SHROOM3: variants seen among roughly 807,000 people sequenced by gnomAD.
The protein encoded by SHROOM3 is protein Shroom3.
Under a neutral mutation model 138.6 loss-of-function variants are expected in SHROOM3, and 47 were observed. The ratio of observed to expected loss-of-function variants is 0.34; its 90% CI spans 0.27 to 0.43. The LOEUF (loss-of-function observed/expected upper bound fraction) is 0.43. SHROOM3 is among the 20% of genes least tolerant of loss of function. The pLI is 1.00. For synonymous variants in SHROOM3, 1,062 were observed against 1,063.3 expected (o/e 1.00, Z 0.02); for missense variants, 2,491 against 2,596.5 (o/e 0.96, Z 0.88).
chr4:76,568,207 G>A (rs1399754065), intron 2 of SHROOM3, among the ~76,000 whole-genome samples: 1 of 152,190 alleles, frequency 6.6e-6, no homozygotes, highest in Non-Finnish European at 1.5e-5. Context: ...CAGGCTGCCT[G>A]ACATTGCCTC....
Position 76,477,849 on chromosome 4 carries a change from C to T in SHROOM3, c.168+41629C>T, listed in dbSNP as rs564793053. ...GGTGAGCAGAAGCAGGGTGGGGCATCGCCTCACCTGGGAAGTGCAAGGGGT... is the reference window on the plus strand; with the variant it reads ...GGTGAGCAGAAGCAGGGTGGGGCATTGCCTCACCTGGGAAGTGCAAGGGGT... On this transcript the variant is annotated intron_variant, in intron 1 of 10. Coordinates refer to ENST00000296043, the MANE Select transcript of SHROOM3 (RefSeq NM_020859.4). 4.4e-4 allele frequency among the ~76,000 whole-genome samples: 67 copies of T among 152,246 alleles called. 2 individuals are homozygous for T. In the South Asian group the frequency reaches 0.012, roughly 28 times the overall value.
chr4:76,477,039 C>T (rs530740040), intron 1 of SHROOM3, among the ~76,000 whole-genome samples: 1 of 152,304 alleles, frequency 6.6e-6, no homozygotes, highest in Non-Finnish European at 1.5e-5. Context: ...CTCATCTCGG[C>T]TCACTGCAAG....
rs886934643 is a variant in SHROOM3 at position 76,692,384 on chromosome 4, T to C, written c.324-17772T>C. ...TCCCTGCCCTCAGGAACTCGTCTTA[T>C]AAGAGGCAAAATAAAACATGTTAAT... On this transcript the variant is annotated intron_variant, in intron 2 of 10. Transcript: ENST00000296043. Among the ~76,000 whole-genome samples the C allele has an allele frequency of 3.9e-5, 6 of 152,226 alleles. No homozygotes were observed. In the South Asian group the frequency reaches 6.2e-4, roughly 16 times the overall value.
At chr4:76,631,187 G>A (rs1735306291) in intron 2 of SHROOM3, among the ~76,000 whole-genome samples, 1 of 146,870 alleles carries the variant, frequency 6.8e-6, no homozygotes, top group African/African-American at 2.5e-5. Flanking sequence ...AGAAAGACAG[G>A]TGACTTTTTT....
chr4:76,652,810 T>C (rs1735988598), intron 2 of SHROOM3, among the ~76,000 whole-genome samples: 1 of 151,990 alleles, frequency 6.6e-6, no homozygotes, highest in African/African-American at 2.4e-5. Flanking sequence ...TGTGTGTGTA[T>C]ATATATACAT....
Position 76,730,841 on chromosome 4 carries a change from AC to A in SHROOM3, c.494del (p.Thr165LysfsTer13). The A allele has an allele frequency of 6.2e-7, 1 of 1,614,146 alleles. No homozygotes were observed. Among genetic ancestry groups the A allele is most frequent in the East Asian group, 2.2e-5 (1 of 44,854 alleles). On this transcript the variant is annotated frameshift_variant, in exon 4 of 11. Transcript: ENST00000296043. LOFTEE classifies it high-confidence loss of function. ...TGCAGGCCGACCTCACTCGTGGCAC[AC>A]AACTAAATCTGGGGAGAAGCAACCC... ...EPAGRPHSWH[T>X]TKSGEKQPDA...
Position 76,770,617 on chromosome 4 carries a change from T to A in SHROOM3, c.5350-9T>A. Reference sequence around the variant, plus strand: ...TGGCTGATCTTTGCGGTCTTATCTGTCATTTCAGGCTGAGCTCATTGGAAG... The same window carrying A: ...TGGCTGATCTTTGCGGTCTTATCTGACATTTCAGGCTGAGCTCATTGGAAG... On this transcript the variant is annotated splice_polypyrimidine_tract_variant and intron_variant, in intron 9 of 10. Coordinates refer to ENST00000296043, the MANE Select transcript of SHROOM3 (RefSeq NM_020859.4). 1 of 1,613,786 alleles carries A rather than the reference T, an allele frequency of 6.2e-7. No homozygotes were observed. The highest frequency in any genetic ancestry group is 8.5e-7 in the Non-Finnish European group (1 of 1,180,022).
chr4:76,564,732 T>C (rs900768990), intron 2 of SHROOM3, among the ~76,000 whole-genome samples: 1 of 152,214 alleles, frequency 6.6e-6, no homozygotes, highest in Non-Finnish European at 1.5e-5. Flanking sequence ...TGTTCTATTG[T>C]TCCTAGTGAA....
chr4:76,576,120 C>G (rs563784667), intron 2 of SHROOM3, among the ~76,000 whole-genome samples: 1 of 152,092 alleles, frequency 6.6e-6, no homozygotes, highest in Non-Finnish European at 1.5e-5. Context: ...AGAAAGCTAC[C>G]ATACGATCCA....
chr4:76,754,710 G>A lies in SHROOM3; in HGVS notation c.4227G>A (p.Glu1409=). Residue 1409 remains glutamate, a synonymous_variant, in exon 7 of 11, where the codon GAG becomes GAA. Transcript: ENST00000296043. ...GAGGCTGTGAGGGCGATGGCCCAGA[G>A]CATGGGGTAGAAGAGGGAACGAGGA... ...GPRGCEGDGP[E]HGVEEGTRKR... 1.2e-6 allele frequency: 2 copies of A among 1,614,214 alleles called. No individual in the cohort carries two copies. The highest frequency in any genetic ancestry group is 1.7e-6 in the Non-Finnish European group (2 of 1,180,040).
At chr4:76,675,713 G>T (rs906925757) in intron 2 of SHROOM3, among the ~76,000 whole-genome samples, 28 of 152,274 alleles carry the variant, frequency 1.8e-4, no homozygotes, top group African/African-American at 6.3e-4. Flanking sequence ...AAGATTATCT[G>T]GTCATGATGA....
intron 2 of SHROOM3, among the ~76,000 whole-genome samples, chr4:76,695,669 T>A (rs892088391): frequency 1.3e-5 from 2 of 152,218 alleles, no homozygotes; most frequent in African/African-American, 4.8e-5. Context: ...GAAAATGTAA[T>A]TAAATAAATA....
chr4:76,698,293 CT>C (rs910579754), intron 2 of SHROOM3, among the ~76,000 whole-genome samples: 1 of 152,192 alleles, frequency 6.6e-6, no homozygotes, highest in African/African-American at 2.4e-5. Context: ...ATGTGAGCTT[CT>C]TTCTAAGACC....
chr4:76,688,974 T>C (rs1303053940), intron 2 of SHROOM3: 1 of 973,360 alleles, frequency 1.0e-6, no homozygotes, highest in East Asian at 1.1e-4. Flanking sequence ...TTTTTTTTTT[T>C]TTTTAGCTGT....
intron 1 of SHROOM3, among the ~76,000 whole-genome samples, chr4:76,527,531 C>T (rs756296298): frequency 7.9e-5 from 12 of 152,216 alleles, no homozygotes; most frequent in Non-Finnish European, 1.0e-4. Flanking sequence ...TGCAGTAAGC[C>T]GAGATCGTGC....
At chr4:76,599,425 T>G (rs1734459173) in intron 2 of SHROOM3, among the ~76,000 whole-genome samples, 1 of 152,202 alleles carries the variant, frequency 6.6e-6, no homozygotes, top group Non-Finnish European at 1.5e-5. Context: ...TCAAGATAGG[T>G]CAGAGAGTAA....
At chr4:76,472,907 C>T (rs1292531909) in intron 1 of SHROOM3, among the ~76,000 whole-genome samples, 2 of 152,168 alleles carry the variant, frequency 1.3e-5, no homozygotes, top group Non-Finnish European at 1.5e-5. Flanking sequence ...ATTGGCCAGA[C>T]TGGTCTCAAA....
chr4:76,537,217 A>T (rs1732971957), intron 1 of SHROOM3, among the ~76,000 whole-genome samples: 1 of 152,206 alleles, frequency 6.6e-6, no homozygotes, highest in African/African-American at 2.4e-5. Context: ...AAGTGCAAAG[A>T]CCACACAGTA....
chr4:76,739,316 T>C lies in SHROOM3; in HGVS notation c.1143T>C (p.Gly381=). The C allele has an allele frequency of 6.2e-7, 1 of 1,613,874 alleles. No homozygotes were observed. The highest frequency in any genetic ancestry group is 8.5e-7 in the Non-Finnish European group (1 of 1,179,914). Residue 381 remains glycine, a synonymous_variant, in exon 5 of 11, where the codon GGT becomes GGC. Transcript: ENST00000296043. ...CGGACAACCTTCCTCCTAAGGTGGG[T>C]GCACCCCTGCCTCCAGCTCGGAGTG... is the stretch of plus-strand genomic sequence containing the variant. ...TATDNLPPKV[G]APLPPARSDS... is the part of the protein sequence containing the mutation.
Sources: gnomAD v4.1 joint callset for allele counts (sites outside exome capture counted in the v4.1 genomes callset) on GRCh38, gnomAD v4.1.1 for gene constraint, MANE v1.5 for transcripts, NCBI Gene and HGNC (gene_info 2026-07-23, HGNC 2026-07-21) for gene names.